ZNF277: variants seen among roughly 807,000 people sequenced by gnomAD.
ZNF277 encodes the protein zinc finger protein 277.
A neutral mutation model predicts 60.7 loss-of-function variants in ZNF277; 55 were observed. That is an observed-to-expected ratio of 0.91 (90% CI 0.73 to 1.13). The LOEUF (loss-of-function observed/expected upper bound fraction) is 1.13, where lower values mean the gene tolerates loss of function less well. ZNF277 is among the 50% of genes most tolerant of loss of function. The pLI, the probability that ZNF277 is intolerant of heterozygous loss-of-function variation, is 0.00. For synonymous variants in ZNF277, 178 were observed against 179.3 expected, an observed-to-expected ratio of 0.99 and a Z score of 0.06; for missense variants, 510 against 523.0, an observed-to-expected ratio of 0.98 and a Z score of 0.24.
chr7:112,255,551 A>G (rs1791290581), intron 1 of ZNF277, among the ~76,000 whole-genome samples: 1 of 152,218 alleles, frequency 6.6e-6, no homozygotes, highest in Non-Finnish European at 1.5e-5. Flanking sequence ...GCTAAACAGG[A>G]TTCAGAAATC....
At chr7:112,212,543 G>C (rs913543080) in intron 1 of ZNF277, among the ~76,000 whole-genome samples, 3 of 152,154 alleles carry the variant, frequency 2.0e-5, no homozygotes, top group African/African-American at 7.2e-5. Context: ...CTGTTATAAA[G>C]TCAGACCTCA....
At position 112,286,730 on chromosome 7, in the gene ZNF277, C is replaced by T. The variant is rs541079797; in HGVS notation, c.92-143C>T. ...AATGATAATAAAGTATCCTACTCTC[C>T]AGCACTATGTATTTTTCTTTTTGGA... On this transcript the variant is annotated intron_variant, in intron 1 of 11. Transcript: ENST00000361822. 18 of 696,600 alleles carry T rather than the reference C, an allele frequency of 2.6e-5. No individual in the cohort carries two copies. In the East Asian group the frequency reaches 4.9e-4, roughly 19 times the overall value. 43.2% of individuals were successfully genotyped at this position (696,600 alleles called of 1,614,324 possible).
chr7:112,330,945 A>T (rs528963121), intron 7 of ZNF277, among the ~76,000 whole-genome samples: 3 of 152,218 alleles, frequency 2.0e-5, no homozygotes, highest in Admixed American at 2.0e-4. Context: ...GTTAGGTGCT[A>T]TGCAAAATAA....
At chr7:112,314,726 G>T (rs1238614947) in intron 4 of ZNF277, among the ~76,000 whole-genome samples, 1 of 152,106 alleles carries the variant, frequency 6.6e-6, no homozygotes. Flanking sequence ...AGCCCACGAA[G>T]TCGAGGCTGC....
chr7:112,266,575 G>A (rs1432465475), intron 1 of ZNF277, among the ~76,000 whole-genome samples: 1 of 152,006 alleles, frequency 6.6e-6, no homozygotes, highest in African/African-American at 2.4e-5. Flanking sequence ...TGACAGCGGG[G>A]TAAGAGCTGC....
At chr7:112,314,679 C>T (rs1177972393) in intron 4 of ZNF277, among the ~76,000 whole-genome samples, 2 of 151,998 alleles carry the variant, frequency 1.3e-5, no homozygotes, top group African/African-American at 4.8e-5. Flanking sequence ...CCCTGTAGTC[C>T]CAGCTACTTG....
chr7:112,335,291 C>G (rs1793307773), intron 7 of ZNF277, among the ~76,000 whole-genome samples: 1 of 152,158 alleles, frequency 6.6e-6, no homozygotes, highest in Admixed American at 6.6e-5. Context: ...TCCTACCTCT[C>G]TCTTTGTGAC....
chr7:112,286,648 GA>G (rs1436786765), intron 1 of ZNF277, among the ~76,000 whole-genome samples: 1 of 152,150 alleles, frequency 6.6e-6, no homozygotes, highest in Non-Finnish European at 1.5e-5. Context: ...GCAAGCAAAT[GA>G]GGGGTTTGAG....
At chr7:112,330,044 A>C (rs768083308) in intron 6 of ZNF277, 40 bp from the exon 7 acceptor site, 1 of 1,586,812 alleles carries the variant, frequency 6.3e-7, no homozygotes, top group South Asian at 1.2e-5. Context: ...CAGCAACTAT[A>C]CAAGAGACTT....
chr7:112,243,696 A>G (rs1791013710), intron 1 of ZNF277, among the ~76,000 whole-genome samples: 1 of 152,018 alleles, frequency 6.6e-6, no homozygotes. Flanking sequence ...GTAAGAATGC[A>G]GAGAAAATGG....
intron 1 of ZNF277, among the ~76,000 whole-genome samples, chr7:112,208,906 G>A (rs761853717): frequency 6.6e-6 from 1 of 151,854 alleles, no homozygotes; most frequent in African/African-American, 2.4e-5. Context: ...GTCTCGATCT[G>A]CTGACCTCGT....
chr7:112,284,088 T>G (rs1792007932), intron 1 of ZNF277, among the ~76,000 whole-genome samples: 1 of 152,218 alleles, frequency 6.6e-6, no homozygotes, highest in Non-Finnish European at 1.5e-5. Flanking sequence ...CTTAGTTAAG[T>G]TTTCTAAATC....
intron 4 of ZNF277, among the ~76,000 whole-genome samples, chr7:112,299,502 C>T (rs572034517): frequency 1.3e-5 from 2 of 152,220 alleles, no homozygotes; most frequent in South Asian, 2.1e-4. Context: ...ATGCCCTTGG[C>T]CCATAGTGTG....
At chr7:112,207,751 TG>T (rs1563190303) in intron 1 of ZNF277, among the ~76,000 whole-genome samples, 1 of 152,182 alleles carries the variant, frequency 6.6e-6, no homozygotes, top group East Asian at 1.9e-4. Flanking sequence ...GTTGCGACTT[TG>T]TTTTTCGATT....
intron 2 of ZNF277, among the ~76,000 whole-genome samples, chr7:112,294,210 G>C (rs1326482140): frequency 6.6e-6 from 1 of 152,166 alleles, no homozygotes; most frequent in Non-Finnish European, 1.5e-5. Flanking sequence ...GGGTGGTGGG[G>C]AAAGCAACTA....
At chr7:112,229,838 G>T (rs770024514) in intron 1 of ZNF277, among the ~76,000 whole-genome samples, 1 of 152,176 alleles carries the variant, frequency 6.6e-6, no homozygotes, top group Non-Finnish European at 1.5e-5. Flanking sequence ...AGGCAGTTAG[G>T]GTAGGCTTCA....
chr7:112,303,692 T>G (rs1563221774), intron 4 of ZNF277, among the ~76,000 whole-genome samples: 1 of 152,148 alleles, frequency 6.6e-6, no homozygotes, highest in African/African-American at 2.4e-5. Context: ...CTTGTGTGTT[T>G]AACTCCTGCA....
chr7:112,230,843 A>C (rs932336073), intron 1 of ZNF277, among the ~76,000 whole-genome samples: 1 of 152,190 alleles, frequency 6.6e-6, no homozygotes, highest in Non-Finnish European at 1.5e-5. Context: ...TGGATTTTAT[A>C]CAAAATTTAC....
chr7:112,284,399 T>C (rs1420982028), intron 1 of ZNF277, among the ~76,000 whole-genome samples: 2 of 152,220 alleles, frequency 1.3e-5, no homozygotes, highest in African/African-American at 2.4e-5. Context: ...CTGCCTTTTG[T>C]AGCTATATAC....
Sources: allele counts gnomAD v4.1 joint callset (sites outside exome capture counted in the v4.1 genomes callset), GRCh38; gene constraint gnomAD v4.1.1; transcripts MANE v1.5; gene names NCBI Gene and HGNC (gene_info 2026-07-23, HGNC 2026-07-21).